Variants in PTPN14 observed in about 807,000 individuals in gnomAD.
The protein encoded by PTPN14 is protein tyrosine phosphatase non-receptor type 14, also known as tyrosine-protein phosphatase non-receptor type 14.
PTPN14 carries 53 observed loss-of-function variants against 126.8 expected under a neutral mutation model. That is an observed-to-expected ratio of 0.42 (90% CI 0.34 to 0.53). PTPN14 has a LOEUF of 0.53. Ranked by LOEUF, PTPN14 falls within the 20% of genes least tolerant of loss-of-function variation. The pLI, the probability that PTPN14 is intolerant of heterozygous loss-of-function variation, is 0.08. For synonymous variants in PTPN14, 630 were observed against 599.3 expected (o/e 1.05, Z -0.75); for missense variants, 1,257 against 1,552.9 (o/e 0.81, Z 3.20).
At chr1:214,548,892 G>A (rs1356950326) in intron 1 of PTPN14, among the ~76,000 whole-genome samples, 2 of 152,170 alleles carry the variant, frequency 1.3e-5, no homozygotes, top group Non-Finnish European at 2.9e-5. Flanking sequence ...GACACAGTAT[G>A]CACAAATCTG....
Position 214,352,983 on chromosome 1 carries a change from CCA to C in PTPN14, c.*4937_*4938del, listed in dbSNP as rs1387524828. The C allele has an allele frequency of 2.0e-5, 3 of 152,218 alleles. No homozygotes were observed. Among genetic ancestry groups the C allele is most frequent in the African/African-American group, 7.2e-5 (3 of 41,520 alleles). The allele number at this position is 152,218 out of a possible 1,614,324, so 9.4% of individuals were successfully genotyped here. A position where few individuals can be genotyped will look rare whatever the true frequency, so the allele number is the denominator to read the frequency against. ...CCGGAAATGTCTTACTCTAGGAGCT[CCA>C]CAGAGTTATTTCTGACACTGAGTAA... On this transcript the variant is annotated 3_prime_UTR_variant, in exon 19 of 19. Coordinates refer to ENST00000366956, the MANE Select transcript of PTPN14 (RefSeq NM_005401.5).
At chr1:214,548,673 G>A (rs1019849257) in intron 1 of PTPN14, among the ~76,000 whole-genome samples, 3 of 152,126 alleles carry the variant, frequency 2.0e-5, no homozygotes, top group Non-Finnish European at 2.9e-5. Flanking sequence ...TGTAATCAAA[G>A]GGTTGATGTT....
chr1:214,373,066 G>T (rs1448888762), intron 15 of PTPN14, among the ~76,000 whole-genome samples: 1 of 152,092 alleles, frequency 6.6e-6, no homozygotes, highest in African/African-American at 2.4e-5. Context: ...ATCTAATCCT[G>T]GTTTTTGAGA....
At chr1:214,476,380 G>A (rs555963903) in intron 1 of PTPN14, among the ~76,000 whole-genome samples, 1 of 152,206 alleles carries the variant, frequency 6.6e-6, no homozygotes, top group East Asian at 1.9e-4. Context: ...CTCTTTTCCG[G>A]AGAGGTGCGC....
chr1:214,399,798 AC>A (rs1658973895), intron 7 of PTPN14, among the ~76,000 whole-genome samples: 1 of 152,090 alleles, frequency 6.6e-6, no homozygotes, highest in African/African-American at 2.4e-5. Flanking sequence ...TCCCCGACTT[AC>A]CATTACTTTG....
At chr1:214,447,822 TA>T (rs1660180354) in intron 3 of PTPN14, among the ~76,000 whole-genome samples, 1 of 152,238 alleles carries the variant, frequency 6.6e-6, no homozygotes, top group Non-Finnish European at 1.5e-5. Context: ...CGCTTAAATC[TA>T]AAAATATCTT....
chr1:214,387,141 T>C (rs933712413), intron 11 of PTPN14, among the ~76,000 whole-genome samples: 3 of 152,214 alleles, frequency 2.0e-5, no homozygotes, highest in African/African-American at 7.2e-5. Flanking sequence ...AGAAATGAAG[T>C]TGGTTCAAGA....
At chr1:214,548,281 G>A (rs775548869) in intron 1 of PTPN14, among the ~76,000 whole-genome samples, 46 of 152,130 alleles carry the variant, frequency 3.0e-4, no homozygotes, top group Admixed American at 7.2e-4. Context: ...TGACAGCCAG[G>A]AAAAGCTACA....
Position 214,383,242 on chromosome 1 carries a change from G to A in PTPN14, c.2544+69C>T. On this transcript the variant is annotated intron_variant, in intron 13 of 18. Coordinates refer to ENST00000366956, the MANE Select transcript of PTPN14 (RefSeq NM_005401.5). The surrounding 1 kb of genome is among the most constrained non-coding windows in gnomAD (Gnocchi z 4.4). ...CTACCACGTTCCCTGCATAAGCCCT[G>A]CCCCTTGCTCAGTGCCTGAAGCATG... is the stretch of plus-strand genomic sequence containing the variant. 1 of 1,530,948 alleles carries A rather than the reference G, an allele frequency of 6.5e-7. No individual in the cohort carries two copies. Among genetic ancestry groups the A allele is most frequent in the Non-Finnish European group, 8.9e-7 (1 of 1,127,044 alleles). The allele number at this position is 1,530,948 out of a possible 1,614,324, so 94.8% of individuals were successfully genotyped here.
intron 1 of PTPN14, among the ~76,000 whole-genome samples, chr1:214,479,493 C>A (rs1283617802): frequency 6.6e-6 from 1 of 152,048 alleles, no homozygotes; most frequent in Non-Finnish European, 1.5e-5. Flanking sequence ...GCGCCCACCA[C>A]CAAGCCCGGC....
intron 1 of PTPN14, among the ~76,000 whole-genome samples, chr1:214,526,875 T>C (rs1655413626): frequency 6.6e-6 from 1 of 152,192 alleles, no homozygotes; most frequent in Non-Finnish European, 1.5e-5. Context: ...GGGGATCACC[T>C]GAGGTTGGTA....
chr1:214,443,196 G>A lies in PTPN14; in HGVS notation c.344+8609C>T, dbSNP rs193038727. Among the ~76,000 whole-genome samples, 4 of 152,286 alleles carry A rather than the reference G, an allele frequency of 2.6e-5. No homozygotes were observed. In the East Asian group the frequency reaches 7.7e-4, roughly 29 times the overall value. On this transcript the variant is annotated intron_variant, in intron 3 of 18. Coordinates refer to ENST00000366956, the MANE Select transcript of PTPN14 (RefSeq NM_005401.5). ...AAACAAGAAGCAACTTCATGTATTT[G>A]GACAACTTGTACTATGAAGTAGGCA... is the stretch of plus-strand genomic sequence containing the variant.
At chr1:214,443,637 C>A (rs1660081190) in intron 3 of PTPN14, among the ~76,000 whole-genome samples, 1 of 152,056 alleles carries the variant, frequency 6.6e-6, no homozygotes, top group Admixed American at 6.6e-5. Flanking sequence ...CTGGGAAGGG[C>A]TGGTTACTTA....
intron 18 of PTPN14, among the ~76,000 whole-genome samples, chr1:214,363,334 C>T (rs1290805235): frequency 2.0e-5 from 3 of 152,172 alleles, no homozygotes; most frequent in African/African-American, 4.8e-5. Flanking sequence ...GCTTAGCATT[C>T]GTTGTTTTCC....
At chr1:214,532,877 C>A in intron 1 of PTPN14, 1 of 1,043,328 alleles carries the variant, frequency 9.6e-7, no homozygotes, top group Non-Finnish European at 1.5e-6. Context: ...TCTGGGTTGA[C>A]CATGGAGGTT....
chr1:214,427,347 C>T (rs1659691541), intron 3 of PTPN14, among the ~76,000 whole-genome samples: 1 of 148,238 alleles, frequency 6.7e-6, no homozygotes, highest in Non-Finnish European at 1.5e-5. Flanking sequence ...TGTTAATGTT[C>T]ATGAAACCAG....
Position 214,464,847 on chromosome 1 carries a change from C to G in PTPN14, c.-44G>C, listed in dbSNP as rs765729489. The G allele has an allele frequency of 6.2e-7, 1 of 1,605,896 alleles. No individual in the cohort carries two copies. The highest frequency in any genetic ancestry group is 8.5e-7 in the Non-Finnish European group (1 of 1,174,050). ...CGCCGCCCGCCTATCCTGGCGCACA[C>G]GCCCCTGAGATGGCCTTAGCAGTTT... On this transcript the variant is annotated 5_prime_UTR_variant, in exon 2 of 19. Transcript: ENST00000366956.
intron 1 of PTPN14, chr1:214,529,492 A>T (rs961696957): frequency 6.6e-6 from 1 of 152,240 alleles, no homozygotes. Context: ...AGCAAAATAG[A>T]GCGTGCTGCA....
intron 3 of PTPN14, among the ~76,000 whole-genome samples, chr1:214,416,778 TTGGC>T (rs1448759224): frequency 2.0e-5 from 3 of 152,198 alleles, no homozygotes; most frequent in Non-Finnish European, 2.9e-5. Flanking sequence ...TGAAAATTGT[TTGGC>T]TGGTACAATT....
Sources: allele counts gnomAD v4.1 joint callset (sites outside exome capture counted in the v4.1 genomes callset), GRCh38; gene constraint gnomAD v4.1.1; non-coding constraint Gnocchi (gnomAD v3.1); transcripts MANE v1.5; gene names NCBI Gene and HGNC (gene_info 2026-07-23, HGNC 2026-07-21).